RMND5A: variants seen among roughly 807,000 people sequenced by gnomAD.
RMND5A encodes the protein required for meiotic nuclear division 5 homolog A, also known as E3 ubiquitin-protein transferase RMND5A.
RMND5A carries 17 observed loss-of-function variants against 49.7 expected under a neutral mutation model. That is an observed-to-expected ratio of 0.34 (90% confidence interval 0.23 to 0.51). The LOEUF (loss-of-function observed/expected upper bound fraction) is 0.51, where lower values mean the gene tolerates loss of function less well. RMND5A is among the 20% of genes least tolerant of loss of function. The pLI, the probability that RMND5A is intolerant of heterozygous loss-of-function variation, is 0.96. For synonymous variants in RMND5A, 156 were observed against 167.7 expected, an observed-to-expected ratio of 0.93 and a Z score of 0.54; for missense variants, 255 against 471.3, an observed-to-expected ratio of 0.54 and a Z score of 4.25.
At position 86,747,630 on chromosome 2, in the gene RMND5A, C is replaced by T. The variant is rs529210045; in HGVS notation, c.286-4266C>T. On this transcript the variant is annotated intron_variant, in intron 2 of 8. Transcript: ENST00000283632. The stretch of plus-strand genomic sequence containing the variant: ...AAGTAGATGGAGAAGTTTCAAAATA[C>T]ATGTTAATACTATTAGGGAATTGGT... 1.3e-5 allele frequency among the ~76,000 whole-genome samples: 2 copies of T among 152,262 alleles called. 1 individual carries two copies. Among genetic ancestry groups the T allele is most frequent in the South Asian group, 4.2e-4 (2 of 4,816 alleles).
At chr2:86,769,645 A>T (rs1056532645) in intron 6 of RMND5A, among the ~76,000 whole-genome samples, 12 of 151,566 alleles carry the variant, frequency 7.9e-5, no homozygotes, top group African/African-American at 2.4e-4. Context: ...TTTCTGAGGA[A>T]GTAAGCTAAA....
intron 6 of RMND5A, among the ~76,000 whole-genome samples, chr2:86,766,885 A>G (rs1672606628): frequency 6.6e-6 from 1 of 152,106 alleles, no homozygotes; most frequent in Non-Finnish European, 1.5e-5. Context: ...AGTTTTATTA[A>G]ATCTTGACCT....
rs4832311 is a variant in RMND5A at position 86,751,772 on chromosome 2, G to C, written c.286-124G>C. The C allele has an allele frequency of 6.6e-6, 5 of 754,154 alleles. No individual in the cohort carries two copies. The African/African-American group carries it at 8.8e-5, about 13-fold the overall frequency. The allele number at this position is 754,154 out of a possible 1,614,324, so 46.7% of individuals were successfully genotyped here. A position where few individuals can be genotyped will look rare whatever the true frequency, so the allele number is the denominator to read the frequency against. On this transcript the variant is annotated intron_variant, in intron 2 of 8. Coordinates refer to ENST00000283632, the MANE Select transcript of RMND5A (RefSeq NM_022780.4). ...GCAGTGGAAAAATTCCTTCCTTTGG[G>C]ACGCTATAAATTGCAGTTGGGTTCT...
intron 1 of RMND5A, among the ~76,000 whole-genome samples, chr2:86,736,307 C>T (rs1332485274): frequency 8.9e-6 from 1 of 112,246 alleles, no homozygotes; most frequent in Non-Finnish European, 2.0e-5. Context: ...CCTCAGCCTC[C>T]CTAGAAGCTT....
intron 6 of RMND5A, among the ~76,000 whole-genome samples, chr2:86,767,499 T>C (rs1672620798): frequency 6.6e-6 from 1 of 151,192 alleles, no homozygotes; most frequent in Admixed American, 6.6e-5. Flanking sequence ...CAGGTTGGAC[T>C]CAAACTCCTG....
chr2:86,745,470 C>T lies in RMND5A; in HGVS notation c.285+4401C>T, dbSNP rs754280956. 2.4e-4 allele frequency among the ~76,000 whole-genome samples: 36 copies of T among 152,124 alleles called. 1 individual carries two copies. The South Asian group carries it at 3.5e-3, about 15-fold the overall frequency. ...TGAGATGAGATTTTTCCTTGAGGCT[C>T]GGAAAGGGCAAAACAGCAACTGAGA... On this transcript the variant is annotated intron_variant, in intron 2 of 8. Transcript: ENST00000283632.
intron 2 of RMND5A, among the ~76,000 whole-genome samples, chr2:86,745,208 G>A (rs1573433919): frequency 6.6e-6 from 1 of 152,126 alleles, no homozygotes; most frequent in East Asian, 1.9e-4. Flanking sequence ...GTGCATATGT[G>A]TTAAATAGTA....
intron 2 of RMND5A, among the ~76,000 whole-genome samples, chr2:86,745,152 A>G (rs1390729565): frequency 6.6e-6 from 1 of 152,176 alleles, no homozygotes; most frequent in African/African-American, 2.4e-5. Context: ...TTACTTCCTA[A>G]GAAAAGTCAA....
At position 86,776,041 on chromosome 2, in the gene RMND5A, T is replaced by G. The variant is rs902819846; in HGVS notation, c.*2630T>G. ...ATTATAATGTACATCAAAGGCAGAA[T>G]TTCAGAATGGTTTCTTAAATTTCCT... On this transcript the variant is annotated 3_prime_UTR_variant, in exon 9 of 9. Transcript: ENST00000283632. The G allele has an allele frequency of 6.6e-6, 1 of 152,222 alleles. No homozygotes were observed. The highest frequency in any genetic ancestry group is 1.5e-5 in the Non-Finnish European group (1 of 68,028). 9.4% of individuals were successfully genotyped at this position (152,222 alleles called of 1,614,324 possible). A position where few individuals can be genotyped will look rare whatever the true frequency, so the allele number is the denominator to read the frequency against.
chr2:86,751,712 A>G (rs1681636267), intron 2 of RMND5A, among the ~76,000 whole-genome samples, 184 bp from the exon 3 acceptor site: 1 of 152,082 alleles, frequency 6.6e-6, no homozygotes, highest in Non-Finnish European at 1.5e-5. Context: ...AAATATACCT[A>G]TTTACTCTTC....
Position 86,753,504 on chromosome 2 carries a change from A to G in RMND5A, c.467A>G (p.Glu156Gly), listed in dbSNP as rs1681674618. Residue 156 changes from glutamate (E) to glycine (G), a missense_variant, in exon 4 of 9, where the codon GAG (glutamate) becomes GGG (glycine). By Grantham distance (98) the Glu-to-Gly change is moderately conservative (BLOSUM62 -2). Transcript: ENST00000283632. ...VDPSQKEPFVELNRILEALKV... is the reference protein window; with the variant it reads ...VDPSQKEPFVGLNRILEALKV... ...CCAAGTCAGAAGGAACCATTTGTGG[A>G]GTTAAATAGAATATTAGAGGCATTA... is the stretch of plus-strand genomic sequence containing the variant. The G allele has an allele frequency of 2.5e-6, 4 of 1,611,966 alleles. No individual in the cohort carries two copies. Among genetic ancestry groups the G allele is most frequent in the Non-Finnish European group, 2.5e-6 (3 of 1,178,338 alleles).
chr2:86,721,312 T>G (rs1332213987), intron 1 of RMND5A, among the ~76,000 whole-genome samples: 1 of 151,946 alleles, frequency 6.6e-6, no homozygotes, highest in Admixed American at 6.6e-5. Flanking sequence ...CTTCGTTTTA[T>G]TTTGGAAAGT....
At chr2:86,746,310 C>G (rs2104392924) in intron 2 of RMND5A, among the ~76,000 whole-genome samples, 1 of 152,234 alleles carries the variant, frequency 6.6e-6, no homozygotes, top group South Asian at 2.1e-4. Flanking sequence ...TTTATATTTT[C>G]TAATAAGGAT....
In RMND5A at chr2:86,761,773, CTACT is replaced by C. The variant is rs1358106606; in HGVS notation, c.522-3248_522-3245del. 3.3e-5 allele frequency among the ~76,000 whole-genome samples: 5 copies of C among 152,240 alleles called. No individual in the cohort carries two copies. The East Asian group carries it at 5.8e-4, about 18-fold the overall frequency. On this transcript the variant is annotated intron_variant, in intron 4 of 8. Coordinates refer to ENST00000283632, the MANE Select transcript of RMND5A (RefSeq NM_022780.4). ...TCCCAGTTCCTTTTTGTAAAGGTAT[CTACT>C]TACTTTTCTAAATATTTCTTGGCAA... is the stretch of plus-strand genomic sequence containing the variant.
At chr2:86,745,033 T>TG (rs1457923152) in intron 2 of RMND5A, among the ~76,000 whole-genome samples, 1 of 151,818 alleles carries the variant, frequency 6.6e-6, no homozygotes, top group Non-Finnish European at 1.5e-5. Context: ...GTAAAAATAA[T>TG]GTATTTGGGC....
intron 4 of RMND5A, among the ~76,000 whole-genome samples, chr2:86,759,594 T>C (rs1160406754): frequency 6.6e-6 from 1 of 150,994 alleles, no homozygotes; most frequent in Non-Finnish European, 1.5e-5. Flanking sequence ...ATAATTTCAC[T>C]GCATTTTTAG....
intron 6 of RMND5A, among the ~76,000 whole-genome samples, chr2:86,769,741 T>C (rs1672659210): frequency 6.6e-6 from 1 of 152,240 alleles, no homozygotes; most frequent in African/African-American, 2.4e-5. Context: ...GAGGTTTATT[T>C]AGAAAATTTA....
intron 1 of RMND5A, among the ~76,000 whole-genome samples, chr2:86,732,842 C>T (rs1681356889): frequency 8.9e-6 from 1 of 112,244 alleles, no homozygotes; most frequent in Non-Finnish European, 1.7e-5. Flanking sequence ...GAACTTATAA[C>T]TGATGCCAGG....
chr2:86,751,795 T>A (rs1573437120), intron 2 of RMND5A, 101 bp from the exon 3 acceptor site: 1 of 1,120,482 alleles, frequency 8.9e-7, no homozygotes. Context: ...GCAGTTGGGT[T>A]CTTATTGGGG....
Sources: allele counts gnomAD v4.1 joint callset (sites outside exome capture counted in the v4.1 genomes callset), GRCh38; gene constraint gnomAD v4.1.1; transcripts MANE v1.5; gene names NCBI Gene and HGNC (gene_info 2026-07-23, HGNC 2026-07-21).